PLG: variants seen among roughly 807,000 people sequenced by gnomAD.
PLG encodes plasmin.
Under a neutral mutation model 104.4 loss-of-function variants are expected in PLG, and 41 were observed. That is an observed-to-expected ratio of 0.39 (90% CI 0.31 to 0.51). The LOEUF (loss-of-function observed/expected upper bound fraction) is 0.51. Ranked by LOEUF, PLG falls within the 20% of genes least tolerant of loss-of-function variation. PLG has a pLI of 0.76. For synonymous variants in PLG, 337 were observed against 357.1 expected (o/e 0.94, Z 0.63); for missense variants, 891 against 1,003.6 (o/e 0.89, Z 1.52).
At chr6:160,727,055 G>C (rs543028220) in intron 10 of PLG, among the ~76,000 whole-genome samples, 2 of 151,882 alleles carry the variant, frequency 1.3e-5, no homozygotes, top group East Asian at 3.9e-4. Flanking sequence ...ACAAAGGAGG[G>C]AGCACCACCG....
intron 9 of PLG, among the ~76,000 whole-genome samples, chr6:160,720,933 T>C (rs1051768825): frequency 2.0e-5 from 3 of 152,200 alleles, no homozygotes; most frequent in Admixed American, 6.5e-5. Flanking sequence ...TTGTGTTGGT[T>C]TGGATAAGTT....
chr6:160,714,586 C>T (rs1051800643), intron 5 of PLG, among the ~76,000 whole-genome samples: 11 of 152,112 alleles, frequency 7.2e-5, no homozygotes, highest in African/African-American at 2.7e-4. Flanking sequence ...GTGAATGTTA[C>T]GGTTTAAAAG....
At chr6:160,722,303 C>T in intron 9 of PLG, 105 bp from the exon 10 acceptor site, 1 of 749,970 alleles carries the variant, frequency 1.3e-6, no homozygotes, top group Non-Finnish European at 2.4e-6. Flanking sequence ...GAAAAGAGAA[C>T]AGTCATAATT....
At position 160,744,473 on chromosome 6, in the gene PLG, G is replaced by T. The variant is rs530337976; in HGVS notation, c.2125+3056G>T. Reference sequence around the variant, plus strand: ...GAGCTGTTTGTAGTAGTTTCTGATGGTTATTTTTATTTTTGTGGCATCAGT... The same window carrying T: ...GAGCTGTTTGTAGTAGTTTCTGATGTTTATTTTTATTTTTGTGGCATCAGT... On this transcript the variant is annotated intron_variant, in intron 17 of 18. Coordinates refer to ENST00000308192, the MANE Select transcript of PLG (RefSeq NM_000301.5). This position sits in a 1 kb window ranked among gnomAD's most constrained non-coding sequence, Gnocchi z 4.5. Among the ~76,000 whole-genome samples the T allele has an allele frequency of 2.6e-5, 4 of 152,204 alleles. No homozygotes were observed. The highest frequency in any genetic ancestry group is 9.6e-5 in the African/African-American group (4 of 41,538).
At position 160,739,145 on chromosome 6, in the gene PLG, T is replaced by G. The variant is rs1778142096; in HGVS notation, c.1955T>G (p.Ile652Arg). ...EVNLEPHVQEIEVSRLFLEPT... is the reference protein window; with the variant it reads ...EVNLEPHVQEREVSRLFLEPT... ...AATCTCGAACCGCATGTTCAGGAAA[T>G]AGAAGTGTCTAGGCTGTTCTTGGAG... Residue 652 changes from isoleucine to arginine, a missense_variant, in exon 16 of 19, where the codon ATA (isoleucine) becomes AGA (arginine). Physicochemically the swap from Ile to Arg is moderately conservative, Grantham distance 97 (BLOSUM62 -3). This residue lies in a region of PLG where 854 missense variants were observed against 932.1 expected (regional missense o/e 0.92). Transcript: ENST00000308192. This position sits in a 1 kb window ranked among gnomAD's most constrained non-coding sequence, Gnocchi z 4.4. The G allele has an allele frequency of 1.2e-6, 2 of 1,614,086 alleles. No individual in the cohort carries two copies. Among genetic ancestry groups the G allele is most frequent in the Admixed American group, 1.7e-5 (1 of 60,010 alleles).
In PLG at chr6:160,753,002, G is replaced by A; in HGVS notation, c.2374G>A (p.Val792Ile). Residue 792 changes from valine to isoleucine, a missense_variant, in exon 19 of 19, where the codon GTC becomes ATC. Transcript: ENST00000308192. The surrounding 1 kb of genome is among the most constrained non-coding windows in gnomAD (Gnocchi z 5.4). ...LGCARPNKPG[V>I]YVRVSRFVTW... is the part of the protein sequence containing the mutation. ...CTGTGCACGCCCCAATAAGCCTGGT[G>A]TCTATGTTCGTGTTTCAAGGTTTGT... The A allele has an allele frequency of 1.2e-6, 2 of 1,601,672 alleles. No homozygotes were observed. The highest frequency in any genetic ancestry group is 1.7e-6 in the Non-Finnish European group (2 of 1,169,266).
At chr6:160,702,425 G>C (rs1777434862) in intron 1 of PLG, 72 bp downstream of exon 1, 1 of 1,357,130 alleles carries the variant, frequency 7.4e-7, no homozygotes, top group African/African-American at 1.5e-5. Context: ...CATATGCCAT[G>C]GCTTTATGTG....
At chr6:160,710,726 A>G (rs1273181044) in intron 3 of PLG, among the ~76,000 whole-genome samples, 1 of 152,140 alleles carries the variant, frequency 6.6e-6, no homozygotes, top group East Asian at 1.9e-4. Context: ...ATCATCATTA[A>G]GTGATCTCAT....
chr6:160,720,568 T>C lies in PLG; in HGVS notation c.1096+1730T>C, dbSNP rs193111093. Among the ~76,000 whole-genome samples the C allele has an allele frequency of 2.2e-3, 338 of 152,064 alleles. 2 individuals are homozygous for C. The highest frequency in any genetic ancestry group is 7.6e-3 in the African/African-American group (315 of 41,500). On this transcript the variant is annotated intron_variant, in intron 9 of 18. Coordinates refer to ENST00000308192, the MANE Select transcript of PLG (RefSeq NM_000301.5). ...CTGAGGAGCTGGGACTACAAGCATG[T>C]GCCACCAGGCCCAGCTAATTTTTGT... is the stretch of plus-strand genomic sequence containing the variant.
At chr6:160,704,163 C>A (rs1262879788) in intron 1 of PLG, among the ~76,000 whole-genome samples, 1 of 152,152 alleles carries the variant, frequency 6.6e-6, no homozygotes, top group Non-Finnish European at 1.5e-5. Flanking sequence ...TTTGATGTTT[C>A]CTTGCCAGCA....
At chr6:160,717,170 G>A (rs1453900938) in intron 7 of PLG, among the ~76,000 whole-genome samples, 1 of 152,128 alleles carries the variant, frequency 6.6e-6, no homozygotes, top group African/African-American at 2.4e-5. Context: ...TCAGGTCTGT[G>A]GGTGTCCAGT....
At position 160,752,246 on chromosome 6, in the gene PLG, A is replaced by G. The variant is rs749552173; in HGVS notation, c.2257A>G (p.Thr753Ala). The G allele has an allele frequency of 1.9e-6, 3 of 1,614,098 alleles. No homozygotes were observed. The South Asian group carries it at 3.3e-5, about 18-fold the overall frequency. The change falls in exon 18 of 19, where the codon ACT (threonine) becomes GCT (alanine). Residue 753 changes from threonine to alanine, a missense_variant. Thr to Ala is a moderately conservative substitution (Grantham distance 58). This residue lies in a region of PLG where 854 missense variants were observed against 932.1 expected (regional missense o/e 0.92). Transcript: ENST00000308192. The surrounding 1 kb of genome is among the most constrained non-coding windows in gnomAD (Gnocchi z 4.7). ...CTGTGCTGGGCATTTGGCCGGAGGC[A>G]CTGACAGTTGCCAGGTAAGCAAAGA... ...ELCAGHLAGGTDSCQGDSGGP... is the reference protein window; with the variant it reads ...ELCAGHLAGGADSCQGDSGGP...
chr6:160,741,881 T>A lies in PLG; in HGVS notation c.2125+464T>A, dbSNP rs1456256091. 6.6e-6 allele frequency among the ~76,000 whole-genome samples: 1 copy of A among 152,170 alleles called. No homozygotes were observed. The highest frequency in any genetic ancestry group is 1.5e-5 in the Non-Finnish European group (1 of 68,028). On this transcript the variant is annotated intron_variant, in intron 17 of 18. Coordinates refer to ENST00000308192, the MANE Select transcript of PLG (RefSeq NM_000301.5). The surrounding 1 kb of genome is among the most constrained non-coding windows in gnomAD (Gnocchi z 4.7). ...TTTGTGTCCATGAGTTCTCATCACT[T>A]AGCTCCCACTTATAACTGTGAACAT...
At chr6:160,713,486 C>G in intron 5 of PLG, 1 of 286,910 alleles carries the variant, frequency 3.5e-6, no homozygotes, top group Non-Finnish European at 6.9e-6. Flanking sequence ...TCAGGCTGGT[C>G]TTGAACTCTC....
At chr6:160,722,827 C>G (rs1777858616) in intron 10 of PLG, among the ~76,000 whole-genome samples, 1 of 152,080 alleles carries the variant, frequency 6.6e-6, no homozygotes, top group African/African-American at 2.4e-5. Context: ...ATTGAAAGCT[C>G]AGGAGTACAT....
At chr6:160,708,184 A>G (rs1777566751) in intron 3 of PLG, 1 of 196,046 alleles carries the variant, frequency 5.1e-6, no homozygotes, top group African/African-American at 2.4e-5. Flanking sequence ...GGGCCCTAAC[A>G]TCTGGATGAA....
Position 160,732,979 on chromosome 6 carries a change from C to T in PLG, c.1588-1016C>T, listed in dbSNP as rs1778022681. 6.6e-6 allele frequency among the ~76,000 whole-genome samples: 1 copy of T among 152,084 alleles called. No homozygotes were observed. The highest frequency in any genetic ancestry group is 6.5e-5 in the Admixed American group (1 of 15,278). On this transcript the variant is annotated intron_variant, in intron 12 of 18. Transcript: ENST00000308192. The surrounding 1 kb of genome is among the most constrained non-coding windows in gnomAD (Gnocchi z 4.5). The stretch of plus-strand genomic sequence containing the variant: ...TCCTGTTCCCTCCCTGGAAGTTGGA[C>T]GTGGGGGGCTGAACAGTTCCAACCC...
rs1280701256 is a variant in PLG, at chr6:160,706,431, A to T, written c.74A>T (p.Tyr25Phe). 6.2e-7 allele frequency: 1 copy of T among 1,613,514 alleles called. No homozygotes were observed. The highest frequency in any genetic ancestry group is 8.5e-7 in the Non-Finnish European group (1 of 1,179,618). The change falls in exon 2 of 19, where the codon TAT (tyrosine) becomes TTT (phenylalanine). Residue 25 changes from tyrosine to phenylalanine, a missense_variant. Tyr to Phe is a conservative substitution (Grantham distance 22, BLOSUM62 3). Transcript: ENST00000308192. The stretch of plus-strand genomic sequence containing the variant: ...GGTCAAGGAGAGCCTCTGGATGACT[A>T]TGTGAATACCCAGGGGGCTTCACTG... Reference protein sequence around the residue: ...KSGQGEPLDDYVNTQGASLFS... With the variant: ...KSGQGEPLDDFVNTQGASLFS...
At chr6:160,751,997 C>T in intron 17 of PLG, 118 bp from the exon 18 acceptor site, 1 of 842,586 alleles carries the variant, frequency 1.2e-6, no homozygotes. Context: ...GCATTGGGAG[C>T]TGCCTCGTGT....
Sources: gnomAD v4.1 joint callset for allele counts (sites outside exome capture counted in the v4.1 genomes callset) on GRCh38, gnomAD v4.1.1 for gene constraint, gnomAD v4.1.1 regional missense constraint, Gnocchi (gnomAD v3.1) non-coding constraint, MANE v1.5 for transcripts, NCBI Gene and HGNC (gene_info 2026-07-23, HGNC 2026-07-21) for gene names.